SLIT2: variants seen among roughly 807,000 people sequenced by gnomAD.
SLIT2 encodes the protein slit guidance ligand 2.
SLIT2 carries 41 observed loss-of-function variants against 185.7 expected under a neutral mutation model. That is an observed-to-expected ratio of 0.22 (90% CI 0.17 to 0.29). SLIT2 has a LOEUF of 0.29. Ranked by LOEUF, SLIT2 falls within the 10% of genes least tolerant of loss-of-function variation. The probability of loss-of-function intolerance (pLI) is 1.00; values close to 1 mark genes in which losing one functional copy is unlikely to be tolerated. For missense variants in SLIT2, 1,571 were observed against 1,909.0 expected (o/e 0.82, Z 3.30); for synonymous variants, 693 against 680.2 (o/e 1.02, Z -0.29).
chr4:20,391,220 GGT>G (rs1433584611), intron 4 of SLIT2, among the ~76,000 whole-genome samples: 1 of 151,752 alleles, frequency 6.6e-6, no homozygotes, highest in Non-Finnish European at 1.5e-5. Flanking sequence ...TTCTCTGGTG[GGT>G]GATAACCTGA....
chr4:20,579,163 G>A (rs1032806015), intron 29 of SLIT2, among the ~76,000 whole-genome samples: 3 of 151,948 alleles, frequency 2.0e-5, no homozygotes, highest in African/African-American at 7.3e-5. Context: ...AGCTGGGCGT[G>A]GTGGTGCGTG....
At chr4:20,575,639 T>A (rs568841591) in intron 29 of SLIT2, among the ~76,000 whole-genome samples, 1 of 152,296 alleles carries the variant, frequency 6.6e-6, no homozygotes, top group South Asian at 2.1e-4. Flanking sequence ...GCTTCTTTTC[T>A]ATCTCACAAT....
At chr4:20,429,219 G>A (rs1055441492) in intron 4 of SLIT2, among the ~76,000 whole-genome samples, 2 of 152,052 alleles carry the variant, frequency 1.3e-5, no homozygotes, top group African/African-American at 4.8e-5. Flanking sequence ...CTCGGTGCGA[G>A]TTTATCGGTT....
chr4:20,505,528 G>A (rs1214150551), intron 9 of SLIT2, among the ~76,000 whole-genome samples: 1 of 152,028 alleles, frequency 6.6e-6, no homozygotes, highest in Non-Finnish European at 1.5e-5. Flanking sequence ...CATTTAAAGT[G>A]CTAATACTGT....
intron 29 of SLIT2, among the ~76,000 whole-genome samples, chr4:20,577,665 G>A (rs1012238271): frequency 2.0e-5 from 3 of 152,170 alleles, no homozygotes; most frequent in African/African-American, 4.8e-5. Flanking sequence ...GCTGCCCTGT[G>A]ATGACTCCCA....
chr4:20,319,373 G>T (rs888752174), intron 4 of SLIT2, among the ~76,000 whole-genome samples: 7 of 152,066 alleles, frequency 4.6e-5, no homozygotes, highest in Non-Finnish European at 5.9e-5. Context: ...GAAATAAGAT[G>T]TGATTATTAG....
chr4:20,550,353 TTACTC>T (rs542706576), intron 24 of SLIT2, among the ~76,000 whole-genome samples: 91 of 149,622 alleles, frequency 6.1e-4, no homozygotes, highest in Middle Eastern at 3.4e-3. Context: ...ATATACTACT[TTACTC>T]TATGCTTGCA....
At chr4:20,530,947 G>A (rs1307067147) in intron 16 of SLIT2, among the ~76,000 whole-genome samples, 1 of 149,106 alleles carries the variant, frequency 6.7e-6, no homozygotes, top group Non-Finnish European at 1.5e-5. Flanking sequence ...TACCATTTTA[G>A]ACCCACTGGA....
chr4:20,590,283 C>G (rs1727418009), intron 30 of SLIT2, among the ~76,000 whole-genome samples: 1 of 152,104 alleles, frequency 6.6e-6, no homozygotes, highest in South Asian at 2.1e-4. Flanking sequence ...GTGAAGTCAC[C>G]TAAGGCAATG....
At chr4:20,360,807 C>G (rs147655605) in intron 4 of SLIT2, among the ~76,000 whole-genome samples, 2 of 151,984 alleles carry the variant, frequency 1.3e-5, no homozygotes, top group Non-Finnish European at 2.9e-5. Context: ...AAAATAGATA[C>G]CATTTATTGA....
intron 4 of SLIT2, among the ~76,000 whole-genome samples, chr4:20,462,861 C>T (rs752190988): frequency 5.3e-5 from 8 of 152,106 alleles, no homozygotes; most frequent in South Asian, 2.1e-4. Context: ...TGTCTCACAT[C>T]GACTACAATG....
intron 4 of SLIT2, among the ~76,000 whole-genome samples, chr4:20,307,451 A>C (rs1717690526): frequency 6.6e-6 from 1 of 151,776 alleles, no homozygotes; most frequent in African/African-American, 2.4e-5. Context: ...TTTTTCATAG[A>C]GGCAGGATCT....
At chr4:20,537,937 T>C (rs1162823247) in intron 18 of SLIT2, among the ~76,000 whole-genome samples, 2 of 152,060 alleles carry the variant, frequency 1.3e-5, no homozygotes, top group Admixed American at 1.3e-4. Flanking sequence ...AGATCAAACT[T>C]TTCTCTTTTT....
At chr4:20,267,446 A>G (rs1429859167) in intron 3 of SLIT2, among the ~76,000 whole-genome samples, 1 of 151,876 alleles carries the variant, frequency 6.6e-6, no homozygotes, top group Non-Finnish European at 1.5e-5. Context: ...GAGTTCACAT[A>G]AAGTTATGGT....
intron 9 of SLIT2, among the ~76,000 whole-genome samples, chr4:20,500,343 A>G (rs1718616478): frequency 6.6e-6 from 1 of 152,186 alleles, no homozygotes. Flanking sequence ...TTAGTTCATA[A>G]TTTTATTAGA....
Position 20,518,587 on chromosome 4 carries a change from A to ATTTTT in SLIT2, c.1059-764_1059-760dup, listed in dbSNP as rs71181568. On this transcript the variant is annotated intron_variant, in intron 11 of 36. Coordinates refer to ENST00000504154, the MANE Select transcript of SLIT2 (RefSeq NM_004787.4). ...TATATATATATATATATATATATATATTTTTTTTTTTTTTTTTTTTTTTTT... is the reference window on the plus strand; with the variant it reads ...TATATATATATATATATATATATATATTTTTTTTTTTTTTTTTTTTTTTTTTTTTT... Among the ~76,000 whole-genome samples the ATTTTT allele has an allele frequency of 1.1e-4, 2 of 17,860 alleles. 1 individual carries two copies. Among genetic ancestry groups the ATTTTT allele is most frequent in the African/African-American group, 4.8e-4 (2 of 4,140 alleles). The allele number at this position is 17,860 out of a possible 152,430, so 11.7% of individuals were successfully genotyped here.
At chr4:20,561,840 T>G (rs1285019081) in intron 26 of SLIT2, among the ~76,000 whole-genome samples, 2 of 151,786 alleles carry the variant, frequency 1.3e-5, no homozygotes, top group Admixed American at 6.6e-5. Context: ...TTTTAAAACT[T>G]AAAACACTGG....
intron 21 of SLIT2, 22 bp from the exon 22 acceptor site, chr4:20,546,009 A>G (rs772185158): frequency 8.0e-6 from 11 of 1,372,000 alleles, no homozygotes; most frequent in Non-Finnish European, 1.1e-5. Context: ...GTAAGAAGAT[A>G]ATATTGTTCC....
intron 29 of SLIT2, among the ~76,000 whole-genome samples, chr4:20,578,876 G>C (rs969939023): frequency 6.6e-6 from 1 of 152,096 alleles, no homozygotes; most frequent in South Asian, 2.1e-4. Flanking sequence ...TCTTAATCTG[G>C]GGACAAAATG....
Sources: allele counts gnomAD v4.1 joint callset (sites outside exome capture counted in the v4.1 genomes callset), GRCh38; gene constraint gnomAD v4.1.1; transcripts MANE v1.5; gene names NCBI Gene and HGNC (gene_info 2026-07-23, HGNC 2026-07-21).